Variants in EDEM2 observed in about 807,000 individuals in gnomAD.
The protein encoded by EDEM2 is ER degradation-enhancing alpha-mannosidase-like protein 2.
EDEM2 carries 39 observed loss-of-function variants against 64.8 expected under a neutral mutation model. The observed-to-expected ratio is 0.60, with a 90% CI of 0.47 to 0.79. The LOEUF (loss-of-function observed/expected upper bound fraction) is 0.79, where lower values mean the gene tolerates loss of function less well. Ranked by LOEUF, EDEM2 falls within the 30% of genes least tolerant of loss-of-function variation. EDEM2 has a pLI of 0.00. For missense variants in EDEM2, 609 were observed against 731.3 expected (o/e 0.83, Z 1.93); for synonymous variants, 296 against 291.5 (o/e 1.02, Z -0.16).
intron 2 of EDEM2, among the ~76,000 whole-genome samples, chr20:35,146,099 T>C (rs183135725): frequency 6.1e-4 from 92 of 151,972 alleles, no homozygotes; most frequent in African/African-American, 1.9e-3. Flanking sequence ...CACATCTATA[T>C]ATATAATGGT....
At chr20:35,143,206 C>T (rs1346099262) in intron 3 of EDEM2, among the ~76,000 whole-genome samples, 2 of 152,198 alleles carry the variant, frequency 1.3e-5, no homozygotes, top group African/African-American at 4.8e-5. Context: ...GAAGCTTTCT[C>T]GGCCTCCTTT....
intron 5 of EDEM2, 102 bp downstream of exon 5, chr20:35,137,778 G>A: frequency 2.7e-6 from 4 of 1,488,790 alleles, no homozygotes; most frequent in Non-Finnish European, 3.6e-6. Flanking sequence ...TACACCTGGT[G>A]AGAAATACCA....
intron 6 of EDEM2, chr20:35,134,258 G>A (rs1164611642): frequency 2.4e-6 from 1 of 416,180 alleles, no homozygotes; most frequent in East Asian, 7.1e-5. Context: ...TTCTGCTCAT[G>A]TGCATTCTGA....
intron 3 of EDEM2, among the ~76,000 whole-genome samples, chr20:35,143,919 G>A (rs1337045260): frequency 6.6e-6 from 1 of 150,402 alleles, no homozygotes; most frequent in Non-Finnish European, 1.5e-5. Context: ...TCTTTTTTTT[G>A]TTTGTGTGAG....
intron 9 of EDEM2, among the ~76,000 whole-genome samples, chr20:35,119,352 T>C (rs779357530): frequency 2.6e-5 from 4 of 152,166 alleles, no homozygotes; most frequent in Non-Finnish European, 5.9e-5. Context: ...CCCAGCACTT[T>C]GGGAGGCCAA....
Position 35,128,784 on chromosome 20 carries a change from G to A in EDEM2, c.845-2409C>T, listed in dbSNP as rs189619882. ...TTGTAGCTTAGTTTTTAACAAAAAA[G>A]TCTAAAAGGTGAAAACAAAATAAAA... On this transcript the variant is annotated intron_variant, in intron 7 of 10. Coordinates refer to ENST00000374492, the MANE Select transcript of EDEM2 (RefSeq NM_018217.3). Among the ~76,000 whole-genome samples the A allele has an allele frequency of 1.0e-3, 155 of 150,126 alleles. 12 individuals carry two copies. The highest frequency in any genetic ancestry group is 3.6e-3 in the African/African-American group (146 of 40,138).
rs1307551604 is a variant in EDEM2 at position 35,134,935 on chromosome 20, T to C, written c.505A>G (p.Thr169Ala). The change falls in exon 6 of 11, where the codon ACT (threonine) becomes GCT (alanine). Residue 169 changes from threonine (T) to alanine (A), a missense_variant. Coordinates refer to ENST00000374492, the MANE Select transcript of EDEM2 (RefSeq NM_018217.3). ...RKLLPAFQTP[T>A]GMPYGTVNLL... ...TTCACTGTTCCATATGGCATGCCAG[T>C]GGGGGTCTGAAAGGCTGAACAATCG... The C allele has an allele frequency of 6.2e-7, 1 of 1,613,784 alleles. No individual in the cohort carries two copies. Among genetic ancestry groups the C allele is most frequent in the Non-Finnish European group, 8.5e-7 (1 of 1,180,006 alleles).
rs2085551068 is a variant in EDEM2, at chr20:35,134,721, GGCA to G, written c.702+14_702+16del. On this transcript the variant is annotated intron_variant, in intron 6 of 10. Transcript: ENST00000374492. ...CGTAAGCAGGGACTCAAACAGGAAGGGCAGCAGCGAACCTACCAGCCCGATATC... is the reference window on the plus strand; with the variant it reads ...CGTAAGCAGGGACTCAAACAGGAAGGGCAGCGAACCTACCAGCCCGATATC... 1.2e-6 allele frequency: 2 copies of G among 1,611,916 alleles called. No homozygotes were observed. Among genetic ancestry groups the G allele is most frequent in the Admixed American group, 3.3e-5 (2 of 59,986 alleles).
At chr20:35,127,447 T>C (rs2085449108) in intron 7 of EDEM2, among the ~76,000 whole-genome samples, 1 of 152,204 alleles carries the variant, frequency 6.6e-6, no homozygotes, top group Non-Finnish European at 1.5e-5. Flanking sequence ...CTTGAATTTA[T>C]CCCTCATATC....
At position 35,134,902 on chromosome 20, in the gene EDEM2, GAAGT is replaced by G. The variant is rs866980873; in HGVS notation, c.534_537del (p.Leu178PhefsTer4). On this transcript the variant is annotated frameshift_variant, in exon 6 of 11. Coordinates refer to ENST00000374492, the MANE Select transcript of EDEM2 (RefSeq NM_018217.3). LOFTEE classifies it high-confidence loss of function. The stretch of plus-strand genomic sequence containing the variant: ...GGGGTCTCTCCTGGGTTCACGCCAT[GAAGT>G]AAGTTCACTGTTCCATATGGCATGC... The G allele has an allele frequency of 9.9e-6, 16 of 1,614,088 alleles. No individual in the cohort carries two copies. Among genetic ancestry groups the G allele is most frequent in the African/African-American group, 6.7e-5 (5 of 74,918 alleles).
At chr20:35,141,550 C>G (rs1210984790) in intron 4 of EDEM2, among the ~76,000 whole-genome samples, 4 of 152,134 alleles carry the variant, frequency 2.6e-5, no homozygotes, top group African/African-American at 9.7e-5. Context: ...TTTTATGGAT[C>G]ATATGTCTGG....
rs2085433065 is a variant in EDEM2 at position 35,126,400 on chromosome 20, G to A, written c.845-25C>T. On this transcript the variant is annotated intron_variant, in intron 7 of 10. Coordinates refer to ENST00000374492, the MANE Select transcript of EDEM2 (RefSeq NM_018217.3). Reference sequence around the variant, plus strand: ...TCTGCAGTGGGGGAGATGGGATAATGGACATATGAGTGATTAGGGAGAAAA... The same window carrying A: ...TCTGCAGTGGGGGAGATGGGATAATAGACATATGAGTGATTAGGGAGAAAA... 7 of 1,611,856 alleles carry A rather than the reference G, an allele frequency of 4.3e-6. No individual in the cohort carries two copies. In the East Asian group the frequency reaches 1.6e-4, roughly 36 times the overall value.
chr20:35,146,689 G>C (rs1011554822), intron 2 of EDEM2, 136 bp downstream of exon 2: 14 of 918,404 alleles, frequency 1.5e-5, no homozygotes, highest in Admixed American at 5.3e-5. Flanking sequence ...AGAATTGCGG[G>C]GAGCGCGGCT....
chr20:35,123,500 G>A (rs1031104657), intron 9 of EDEM2, among the ~76,000 whole-genome samples: 3 of 152,150 alleles, frequency 2.0e-5, no homozygotes, highest in Admixed American at 6.6e-5. Context: ...GCTGAGGCAG[G>A]AGAATCGCTT....
At chr20:35,120,818 G>A (rs1008831703) in intron 9 of EDEM2, among the ~76,000 whole-genome samples, 2 of 151,984 alleles carry the variant, frequency 1.3e-5, no homozygotes, top group Non-Finnish European at 2.9e-5. Context: ...GGCTGGTCTC[G>A]AACTCCTGAC....
intron 2 of EDEM2, among the ~76,000 whole-genome samples, chr20:35,145,745 T>C (rs1250339779): frequency 1.3e-5 from 2 of 152,156 alleles, no homozygotes; most frequent in African/African-American, 4.8e-5. Context: ...CAGTGGCTCA[T>C]GCCTGTAATC....
intron 6 of EDEM2, 105 bp from the exon 7 acceptor site, chr20:35,131,888 C>T: frequency 2.9e-6 from 4 of 1,384,760 alleles, no homozygotes; most frequent in Non-Finnish European, 3.9e-6. Context: ...GGCAGGTGCC[C>T]CAGTGCTTCT....
chr20:35,137,588 T>C (rs1243793421), intron 5 of EDEM2, among the ~76,000 whole-genome samples: 3 of 152,062 alleles, frequency 2.0e-5, no homozygotes, highest in Non-Finnish European at 2.9e-5. Context: ...AGGGGACAAA[T>C]GGGCTCATTC....
chr20:35,141,115 G>A (rs1367657116), intron 4 of EDEM2, among the ~76,000 whole-genome samples: 2 of 73,598 alleles, frequency 2.7e-5, no homozygotes, highest in East Asian at 4.6e-4. Flanking sequence ...GTGAGACTCC[G>A]CCTCAAAAAA....
Sources: allele counts gnomAD v4.1 joint callset (sites outside exome capture counted in the v4.1 genomes callset), GRCh38; gene constraint gnomAD v4.1.1; transcripts MANE v1.5; gene names NCBI Gene and HGNC (gene_info 2026-07-23, HGNC 2026-07-21).